Variants in APBA2 observed in about 807,000 individuals in gnomAD.
APBA2 encodes the protein amyloid beta precursor protein binding family A member 2, also known as amyloid-beta A4 precursor protein-binding family A member 2.
A neutral mutation model predicts 75.0 loss-of-function variants in APBA2; 30 were observed. That is an observed-to-expected ratio of 0.40 (90% CI 0.30 to 0.54). The LOEUF (loss-of-function observed/expected upper bound fraction) is 0.54. Among genes scored for constraint, APBA2 ranks in the 20% least tolerant of loss-of-function variants. The probability of loss-of-function intolerance (pLI) is 0.49; values close to 1 mark genes in which losing one functional copy is unlikely to be tolerated. For missense variants in APBA2, 801 were observed against 1,016.1 expected, an observed-to-expected ratio of 0.79 and a Z score of 2.88; for synonymous variants, 444 against 409.6, an observed-to-expected ratio of 1.08 and a Z score of -1.01.
Position 29,025,105 on chromosome 15 carries a change from C to A in APBA2, c.-40-28740C>A, listed in dbSNP as rs528542409. On this transcript the variant is annotated intron_variant, in intron 3 of 14. Transcript: ENST00000683413. ...GTATGCATTCTATTGCAGCATGTCACAATTCACATGTAATACGTGGTTGTC... is the reference window on the plus strand; with the variant it reads ...GTATGCATTCTATTGCAGCATGTCAAAATTCACATGTAATACGTGGTTGTC... Among the ~76,000 whole-genome samples the A allele has an allele frequency of 2.7e-5, 4 of 148,780 alleles. No homozygotes were observed. The East Asian group carries it at 8.1e-4, about 30-fold the overall frequency.
intron 6 of APBA2, among the ~76,000 whole-genome samples, chr15:29,086,670 T>C (rs775730453): frequency 2.0e-5 from 3 of 152,254 alleles, no homozygotes; most frequent in Non-Finnish European, 4.4e-5. Context: ...TTATTTGCAT[T>C]TACTTTTGTG....
chr15:28,980,885 A>G (rs72716208), intron 2 of APBA2, among the ~76,000 whole-genome samples: 4,215 of 152,276 alleles, frequency 0.028, 75 homozygotes, highest in Non-Finnish European at 0.031. Flanking sequence ...ATAAAGCCAC[A>G]CACCTACAAC....
At chr15:28,948,510 G>A (rs539591952) in intron 2 of APBA2, among the ~76,000 whole-genome samples, 1 of 152,140 alleles carries the variant, frequency 6.6e-6, no homozygotes, top group Non-Finnish European at 1.5e-5. Context: ...ATGGGGACAC[G>A]CCTGTTGGAG....
At chr15:29,040,674 T>C (rs1328704435) in intron 3 of APBA2, among the ~76,000 whole-genome samples, 3 of 152,220 alleles carry the variant, frequency 2.0e-5, no homozygotes, top group Non-Finnish European at 4.4e-5. Flanking sequence ...TATCGTCTGA[T>C]GAAGCAGACA....
intron 1 of APBA2, among the ~76,000 whole-genome samples, chr15:28,904,290 A>G (rs2033028071): frequency 6.6e-6 from 1 of 152,152 alleles, no homozygotes; most frequent in African/African-American, 2.4e-5. Context: ...GTATATGAGG[A>G]GCACTTTCCA....
intron 4 of APBA2, among the ~76,000 whole-genome samples, chr15:29,072,596 G>T (rs1007252128): frequency 6.6e-6 from 1 of 152,074 alleles, no homozygotes; most frequent in Non-Finnish European, 1.5e-5. Flanking sequence ...TGCTCCACTT[G>T]GTCAGTGCAG....
At chr15:28,953,009 G>A (rs530139641) in intron 2 of APBA2, among the ~76,000 whole-genome samples, 48 of 152,248 alleles carry the variant, frequency 3.2e-4, no homozygotes, top group African/African-American at 1.1e-3. Context: ...AAGAACAGGC[G>A]GGTCTTGTTG....
intron 10 of APBA2, 99 bp from the exon 11 acceptor site, chr15:29,105,280 G>T: frequency 1.6e-6 from 2 of 1,248,326 alleles, no homozygotes; most frequent in African/African-American, 1.5e-5. Context: ...AAGGCTTATG[G>T]GTGCATCCTG....
intron 4 of APBA2, among the ~76,000 whole-genome samples, chr15:29,068,663 C>T (rs1199261954): frequency 6.6e-6 from 1 of 152,188 alleles, no homozygotes; most frequent in Non-Finnish European, 1.5e-5. Flanking sequence ...TGGACAGCTG[C>T]CTCTGCTGCC....
At chr15:28,998,267 C>CCCTCGAT (rs1186323711) in intron 3 of APBA2, among the ~76,000 whole-genome samples, 3 of 149,266 alleles carry the variant, frequency 2.0e-5, no homozygotes, top group Non-Finnish European at 4.4e-5. Flanking sequence ...GTCCTATAGG[C>CCCTCGAT]CCTCGATCTA....
intron 4 of APBA2, among the ~76,000 whole-genome samples, chr15:29,055,842 C>G (rs1473005001): frequency 6.6e-6 from 1 of 152,172 alleles, no homozygotes; most frequent in East Asian, 1.9e-4. Flanking sequence ...TGTCAGTTGA[C>G]TTCACTTTGG....
At chr15:28,969,718 C>T (rs534780744) in intron 2 of APBA2, among the ~76,000 whole-genome samples, 4 of 152,160 alleles carry the variant, frequency 2.6e-5, no homozygotes, top group African/African-American at 4.8e-5. Context: ...GTCCTGTTGC[C>T]GCCAGGACTG....
At chr15:28,980,589 A>G (rs552586254) in intron 2 of APBA2, among the ~76,000 whole-genome samples, 5 of 152,346 alleles carry the variant, frequency 3.3e-5, no homozygotes, top group Admixed American at 6.5e-5. Context: ...GATTGAAAGA[A>G]TCAATATTGT....
Position 29,105,549 on chromosome 15 carries a change from C to T in APBA2, c.1695C>T (p.Asn565=), listed in dbSNP as rs143187264. 13 of 1,613,430 alleles carry T rather than the reference C, an allele frequency of 8.1e-6. No homozygotes were observed. In the African/African-American group the frequency reaches 1.2e-4, roughly 15 times the overall value. ...TCATCCACTTCTCAAACTCGGAGAA[C>T]TGCAAGGAGGTAAGCCACACCCACC... The part of the protein sequence containing the change: ...DDLIHFSNSE[N]CKELQLEKHK... The change falls in exon 11 of 15, where the codon AAC becomes AAT. Residue 565 remains asparagine, a synonymous_variant. Coordinates refer to ENST00000683413, the MANE Select transcript of APBA2 (RefSeq NM_001353788.2).
intron 2 of APBA2, among the ~76,000 whole-genome samples, chr15:28,986,758 C>A (rs1042152427): frequency 2.0e-4 from 30 of 152,328 alleles, no homozygotes; most frequent in African/African-American, 7.2e-4. Context: ...TGAGCTACTG[C>A]TCCTGGTCCC....
chr15:28,923,228 C>T (rs1412881033), intron 2 of APBA2, among the ~76,000 whole-genome samples: 1 of 152,168 alleles, frequency 6.6e-6, no homozygotes, highest in Non-Finnish European at 1.5e-5. Flanking sequence ...CTCCCCACCG[C>T]CCCTGCCCTG....
intron 4 of APBA2, among the ~76,000 whole-genome samples, chr15:29,069,837 G>A (rs2042542231): frequency 1.3e-5 from 2 of 152,248 alleles, no homozygotes; most frequent in South Asian, 2.1e-4. Context: ...GCCTCAAAAT[G>A]CAGTGACAAG....
chr15:28,973,898 CA>C (rs2037200920), intron 2 of APBA2, among the ~76,000 whole-genome samples: 1 of 152,014 alleles, frequency 6.6e-6, no homozygotes, highest in Non-Finnish European at 1.5e-5. Context: ...AATGCAAAAA[CA>C]AAACAAAACA....
chr15:29,054,164 G>C lies in APBA2; in HGVS notation c.280G>C (p.Glu94Gln). The C allele has an allele frequency of 6.2e-7, 1 of 1,614,196 alleles. No individual in the cohort carries two copies. The highest frequency in any genetic ancestry group is 8.5e-7 in the Non-Finnish European group (1 of 1,180,038). The part of the protein sequence containing the change: ...EDYDEGLPEE[E>Q]EGITYYIRYC... Reference sequence around the variant, plus strand: ...CTATGACGAGGGCCTCCCTGAGGAGGAGGAGGGCATCACCTACTACATCCG... The same window carrying C: ...CTATGACGAGGGCCTCCCTGAGGAGCAGGAGGGCATCACCTACTACATCCG... Residue 94 changes from glutamate to glutamine, a missense_variant, in exon 4 of 15, where the codon GAG (glutamate) becomes CAG (glutamine). Transcript: ENST00000683413. The surrounding 1 kb of genome is among the most constrained non-coding windows in gnomAD (Gnocchi z 6.1).
Sources: allele counts gnomAD v4.1 joint callset (sites outside exome capture counted in the v4.1 genomes callset), GRCh38; gene constraint gnomAD v4.1.1; non-coding constraint Gnocchi (gnomAD v3.1); transcripts MANE v1.5; gene names NCBI Gene and HGNC (gene_info 2026-07-23, HGNC 2026-07-21).